PCDHGA4: variants seen among roughly 807,000 people sequenced by gnomAD.
PCDHGA4 encodes the protein protocadherin gamma subfamily A, 4.
A neutral mutation model predicts 54.6 loss-of-function variants in PCDHGA4; 38 were observed. The observed-to-expected ratio is 0.70, with a 90% CI of 0.54 to 0.91. The LOEUF is 0.91. PCDHGA4 is among the 40% of genes least tolerant of loss of function. The probability of loss-of-function intolerance (pLI) is 0.00; values close to 1 mark genes in which losing one functional copy is unlikely to be tolerated. For synonymous variants in PCDHGA4, 511 were observed against 512.9 expected (o/e 1.00, Z 0.05); for missense variants, 1,298 against 1,220.9 (o/e 1.06, Z -0.94).
At chr5:141,366,369 C>A in intron 1 of PCDHGA4, 2 of 1,614,106 alleles carry the variant, frequency 1.2e-6, no homozygotes, top group Non-Finnish European at 1.7e-6. Context: ...AGTATCAAGA[C>A]CCCCATTGAC....
intron 1 of PCDHGA4, chr5:141,393,493 G>A (rs1034199960): frequency 6.2e-7 from 1 of 1,614,046 alleles, no homozygotes; most frequent in Non-Finnish European, 8.5e-7. Context: ...AGCACAGTGC[G>A]CATCCACGTG....
chr5:141,492,285 A>T (rs2099739112), intron 1 of PCDHGA4, among the ~76,000 whole-genome samples: 1 of 152,132 alleles, frequency 6.6e-6, no homozygotes, highest in African/African-American at 2.4e-5. Flanking sequence ...CGCCCCGCCA[A>T]CACGTGCGCG....
intron 1 of PCDHGA4, chr5:141,414,615 G>A: frequency 6.2e-7 from 1 of 1,613,962 alleles, no homozygotes; most frequent in Non-Finnish European, 8.5e-7. Context: ...CAGTGACAGC[G>A]CTGGACCCGG....
intron 1 of PCDHGA4, among the ~76,000 whole-genome samples, chr5:141,488,563 C>T (rs1352750895): frequency 1.3e-5 from 2 of 152,134 alleles, no homozygotes; most frequent in Admixed American, 6.6e-5. Flanking sequence ...TTGAGATTTC[C>T]GCAAAGCATT....
In PCDHGA4 at chr5:141,399,479, C is replaced by T. The variant is rs774561101; in HGVS notation, c.2514+41858C>T. 3 of 1,614,032 alleles carry T rather than the reference C, an allele frequency of 1.9e-6. No individual in the cohort carries two copies. In the Admixed American group the frequency reaches 5.0e-5, roughly 27 times the overall value. On this transcript the variant is annotated intron_variant, in intron 1 of 3. Transcript: ENST00000571252. ...GATAACGCTCCGGTTTTCCACCAGG[C>T]GTCCTACTTAGTCAGTGTACCCGAA...
At chr5:141,457,719 G>T (rs1437841051) in intron 1 of PCDHGA4, among the ~76,000 whole-genome samples, 1 of 152,226 alleles carries the variant, frequency 6.6e-6, no homozygotes, top group Non-Finnish European at 1.5e-5. Context: ...GTTCCACAAG[G>T]AATTTCAGAT....
At chr5:141,403,104 A>T in intron 1 of PCDHGA4, 1 of 1,614,038 alleles carries the variant, frequency 6.2e-7, no homozygotes. Flanking sequence ...ATCTCCAAGG[A>T]CCTGGCTCTG....
intron 1 of PCDHGA4, among the ~76,000 whole-genome samples, chr5:141,448,115 T>A (rs62379166): frequency 0.025 from 3,743 of 151,768 alleles, 65 homozygotes; most frequent in Middle Eastern, 0.086. Flanking sequence ...GAAAAGAAAA[T>A]TAGCCTCCCC....
Position 141,356,080 on chromosome 5 carries a change from T to C in PCDHGA4, c.973T>C (p.Leu325=). ...AGACAAAATATCACAGCTATTTCAG[T>C]TGAATTCTCTGAGTGGGGATATAAC... ...VRDKISQLFQ[L]NSLSGDITIL... is the part of the protein sequence containing the mutation. Residue 325 remains leucine (L), a synonymous_variant, in exon 1 of 4, where the codon TTG becomes CTG. Transcript: ENST00000571252. The C allele has an allele frequency of 2.5e-6, 4 of 1,613,922 alleles. No homozygotes were observed. Among genetic ancestry groups the C allele is most frequent in the East Asian group, 2.2e-5 (1 of 44,882 alleles).
At position 141,476,396 on chromosome 5, in the gene PCDHGA4, C is replaced by A; in HGVS notation, c.2515-18411C>A. The A allele has an allele frequency of 6.2e-7, 1 of 1,614,032 alleles. No homozygotes were observed. Among genetic ancestry groups the A allele is most frequent in the Non-Finnish European group, 8.5e-7 (1 of 1,180,020 alleles). Reference sequence around the variant, plus strand: ...GATGTTTGTGAACGACCGTCTGGATCGAGAGGAGCTGTGTGGGACACTGCC... The same window carrying A: ...GATGTTTGTGAACGACCGTCTGGATAGAGAGGAGCTGTGTGGGACACTGCC... On this transcript the variant is annotated intron_variant, in intron 1 of 3. Transcript: ENST00000571252. The surrounding 1 kb of genome is among the most constrained non-coding windows in gnomAD (Gnocchi z 7.6).
chr5:141,490,869 A>G lies in PCDHGA4; in HGVS notation c.2515-3938A>G, dbSNP rs764138126. ...GGGTTCGAGACTCCGGCTCTCCCCCATTGCATGCCAACACATCTCTGCATG... is the reference window on the plus strand; with the variant it reads ...GGGTTCGAGACTCCGGCTCTCCCCCGTTGCATGCCAACACATCTCTGCATG... On this transcript the variant is annotated intron_variant, in intron 1 of 3. Transcript: ENST00000571252. This position sits in a 1 kb window ranked among gnomAD's most constrained non-coding sequence, Gnocchi z 5.4. 4.3e-6 allele frequency: 7 copies of G among 1,613,784 alleles called. No homozygotes were observed. The highest frequency in any genetic ancestry group is 1.7e-5 in the Admixed American group (1 of 60,004).
At chr5:141,448,359 CTTTA>C in intron 1 of PCDHGA4, among the ~76,000 whole-genome samples, 1 of 152,074 alleles carries the variant, frequency 6.6e-6, no homozygotes, top group East Asian at 1.9e-4. Context: ...TAGTAGTTTT[CTTTA>C]TTTTATTTTT....
chr5:141,419,578 G>C (rs1339676992), intron 1 of PCDHGA4: 1 of 1,611,722 alleles, frequency 6.2e-7, no homozygotes. Flanking sequence ...ACGGCTCCGC[G>C]CTCTTCGACA....
chr5:141,428,349 G>A (rs555622676), intron 1 of PCDHGA4: 93 of 583,074 alleles, frequency 1.6e-4, no homozygotes, highest in African/African-American at 1.5e-3. Flanking sequence ...TCCTCGCAGT[G>A]ATTTTGGCGG....
chr5:141,468,093 G>C (rs1319825848), intron 1 of PCDHGA4, among the ~76,000 whole-genome samples: 2 of 152,112 alleles, frequency 1.3e-5, no homozygotes, highest in Non-Finnish European at 2.9e-5. Flanking sequence ...GGGAGGTTGA[G>C]GCAGGCAGAT....
At chr5:141,362,351 T>G (rs750661009) in intron 1 of PCDHGA4, 1 of 1,613,920 alleles carries the variant, frequency 6.2e-7, no homozygotes, top group East Asian at 2.2e-5. Context: ...GGACCTGGGG[T>G]TCTCCCCAAT....
At chr5:141,443,392 T>A (rs151260637) in intron 1 of PCDHGA4, among the ~76,000 whole-genome samples, 1 of 151,662 alleles carries the variant, frequency 6.6e-6, no homozygotes, top group Non-Finnish European at 1.5e-5. Context: ...GGCTGAGGTG[T>A]GAGGATCACC....
At chr5:141,378,443 A>C (rs1022226439) in intron 1 of PCDHGA4, 2 of 152,300 alleles carry the variant, frequency 1.3e-5, no homozygotes, top group Non-Finnish European at 2.9e-5. Context: ...GAATCGCTTG[A>C]ACCCATGAGG....
Position 141,489,140 on chromosome 5 carries a change from G to A in PCDHGA4, c.2515-5667G>A. ...CCTCCGAGCAGTTTTTAAGAGGCTG[G>A]AAGGAGACATAAGAGACTTCAGCTG... is the stretch of plus-strand genomic sequence containing the variant. On this transcript the variant is annotated intron_variant, in intron 1 of 3. Transcript: ENST00000571252. The surrounding 1 kb of genome is among the most constrained non-coding windows in gnomAD (Gnocchi z 4.5). The A allele has an allele frequency of 1.2e-6, 1 of 841,390 alleles. No individual in the cohort carries two copies. Among genetic ancestry groups the A allele is most frequent in the South Asian group, 2.1e-5 (1 of 47,082 alleles). The allele number at this position is 841,390 out of a possible 1,614,324, so 52.1% of individuals were successfully genotyped here.
Sources: allele counts gnomAD v4.1 joint callset (sites outside exome capture counted in the v4.1 genomes callset), GRCh38; gene constraint gnomAD v4.1.1; non-coding constraint Gnocchi (gnomAD v3.1); transcripts MANE v1.5; gene names NCBI Gene and HGNC (gene_info 2026-07-23, HGNC 2026-07-21).